The following C1orf21 variants were observed in gnomAD, a reference collection of about 807,000 sequenced individuals.
The protein encoded by C1orf21 is uncharacterized protein C1orf21.
In C1orf21, 3 loss-of-function variants were observed where a neutral mutation model predicts 18.7. That is an observed-to-expected ratio of 0.16 (90% CI 0.07 to 0.42). C1orf21 has a LOEUF of 0.42. Among genes scored for constraint, C1orf21 ranks in the 10% least tolerant of loss-of-function variants. C1orf21 has a pLI of 0.99. For synonymous variants in C1orf21, 41 were observed against 46.4 expected, an observed-to-expected ratio of 0.88 and a Z score of 0.47; for missense variants, 104 against 143.6, an observed-to-expected ratio of 0.72 and a Z score of 1.41.
chr1:184,428,244 C>T (rs1316946101), intron 1 of C1orf21, among the ~76,000 whole-genome samples: 2 of 152,210 alleles, frequency 1.3e-5, no homozygotes, highest in African/African-American at 4.8e-5. Flanking sequence ...ACACTGAATT[C>T]TTAAGCTGTC....
At chr1:184,504,804 TC>T (rs2101962557) in intron 2 of C1orf21, among the ~76,000 whole-genome samples, 1 of 152,288 alleles carries the variant, frequency 6.6e-6, no homozygotes, top group East Asian at 1.9e-4. Context: ...TGTTTTCTCT[TC>T]CTTTGTATCC....
chr1:184,569,409 A>ATAAG (rs1268289913), intron 3 of C1orf21, among the ~76,000 whole-genome samples: 3 of 152,224 alleles, frequency 2.0e-5, no homozygotes, highest in Non-Finnish European at 4.4e-5. Flanking sequence ...TTGTATACAG[A>ATAAG]TAAGCTAAAT....
intron 3 of C1orf21, among the ~76,000 whole-genome samples, chr1:184,535,949 T>C (rs921790785): frequency 4.6e-5 from 7 of 152,238 alleles, no homozygotes; most frequent in Admixed American, 1.3e-4. Context: ...AGGACATGTT[T>C]ATCATCCTAA....
intron 2 of C1orf21, among the ~76,000 whole-genome samples, chr1:184,490,959 G>C (rs1657807876): frequency 2.6e-5 from 4 of 151,914 alleles, no homozygotes; most frequent in Admixed American, 2.6e-4. Context: ...TAACTATGTA[G>C]GTGGTGACAT....
intron 1 of C1orf21, among the ~76,000 whole-genome samples, chr1:184,420,039 T>G (rs1421317785): frequency 6.6e-6 from 1 of 152,132 alleles, no homozygotes; most frequent in African/African-American, 2.4e-5. Context: ...AGGACACCAT[T>G]AATTCCTTCA....
intron 1 of C1orf21, among the ~76,000 whole-genome samples, chr1:184,392,819 C>CTTTTTTTT (rs397861528): frequency 5.2e-5 from 5 of 96,842 alleles, no homozygotes; most frequent in African/African-American, 1.2e-4. Flanking sequence ...GACATTCCTC[C>CTTTTTTTT]TTTTTTTTTT....
intron 2 of C1orf21, among the ~76,000 whole-genome samples, chr1:184,491,610 C>T (rs1657818243): frequency 6.6e-6 from 1 of 152,178 alleles, no homozygotes; most frequent in Non-Finnish European, 1.5e-5. Flanking sequence ...CCTTGGCCTC[C>T]CAAAGTGCTG....
intron 3 of C1orf21, among the ~76,000 whole-genome samples, chr1:184,524,792 G>T (rs1658354916): frequency 6.6e-6 from 1 of 152,080 alleles, no homozygotes; most frequent in Non-Finnish European, 1.5e-5. Flanking sequence ...CAATGATGTG[G>T]ACTAGGAACA....
In C1orf21 at chr1:184,577,947, G is replaced by GTTTTTTTTTTTTT. The variant is rs201196718; in HGVS notation, c.190-12787_190-12786insTTTTTTTTTTTTT. On this transcript the variant is annotated intron_variant, in intron 3 of 5. Transcript: ENST00000235307. ...TCTTTGTCCGTTTGTTTTTTGTTTT[G>GTTTTTTTTTTTTT]TTTTTGTTTTTTTTTTTTTTTTTTG... Among the ~76,000 whole-genome samples, 25 of 86,750 alleles carry GTTTTTTTTTTTTT rather than the reference G, an allele frequency of 2.9e-4. 2 individuals carry two copies. The highest frequency in any genetic ancestry group is 3.3e-4 in the Non-Finnish European group (15 of 45,026). The allele number at this position is 86,750 out of a possible 152,430, so 56.9% of individuals were successfully genotyped here.
rs905293545 is a variant in C1orf21 at position 184,567,608 on chromosome 1, G to A, written c.190-23131G>A. 7.7e-5 allele frequency: 34 copies of A among 444,132 alleles called. 1 individual carries two copies. The highest frequency in any genetic ancestry group is 6.4e-4 in the Admixed American group (26 of 40,706). The allele number at this position is 444,132 out of a possible 1,614,324, so 27.5% of individuals were successfully genotyped here. On this transcript the variant is annotated intron_variant, in intron 3 of 5. Coordinates refer to ENST00000235307, the MANE Select transcript of C1orf21 (RefSeq NM_030806.4). ...CAGGTCCTTGGGATTTCGTTGGTGG[G>A]GCAGGCAGTGGAGGATGCTAGGCAG... is the stretch of plus-strand genomic sequence containing the variant.
intron 5 of C1orf21, among the ~76,000 whole-genome samples, chr1:184,599,081 G>A (rs1659554084): frequency 6.6e-6 from 1 of 152,170 alleles, no homozygotes; most frequent in African/African-American, 2.4e-5. Context: ...TATACTGACA[G>A]TAAGATACAA....
At chr1:184,472,146 A>G (rs1233930552) in intron 1 of C1orf21, among the ~76,000 whole-genome samples, 1 of 151,998 alleles carries the variant, frequency 6.6e-6, no homozygotes, top group East Asian at 1.9e-4. Flanking sequence ...ATATATAGAT[A>G]TATATTTTTT....
At chr1:184,429,770 G>A (rs1019754582) in intron 1 of C1orf21, among the ~76,000 whole-genome samples, 2 of 152,010 alleles carry the variant, frequency 1.3e-5, no homozygotes, top group African/African-American at 2.4e-5. Flanking sequence ...TTTAGGATAA[G>A]TATATCCCAT....
chr1:184,442,941 T>C (rs1656970231), intron 1 of C1orf21, among the ~76,000 whole-genome samples: 2 of 151,768 alleles, frequency 1.3e-5, no homozygotes, highest in African/African-American at 4.8e-5. Flanking sequence ...TAAAATAATT[T>C]AACATTGTGT....
chr1:184,515,452 C>T (rs1161280370), intron 3 of C1orf21, among the ~76,000 whole-genome samples: 3 of 152,104 alleles, frequency 2.0e-5, no homozygotes, highest in Non-Finnish European at 4.4e-5. Flanking sequence ...ACTGTTAGAA[C>T]ACAGTTAGAA....
intron 1 of C1orf21, among the ~76,000 whole-genome samples, chr1:184,421,577 G>A (rs969171983): frequency 6.6e-6 from 1 of 152,122 alleles, no homozygotes; most frequent in Non-Finnish European, 1.5e-5. Flanking sequence ...TTCCACCTCA[G>A]CTTTACAGGA....
At position 184,432,078 on chromosome 1, in the gene C1orf21, T is replaced by C. The variant is rs1196525544; in HGVS notation, c.-125+44710T>C. ...GAACATTTTTACACTGTTGTGGGAG[T>C]GTACATTAGTTCAACTATTGTGGAA... On this transcript the variant is annotated intron_variant, in intron 1 of 5. Transcript: ENST00000235307. Among the ~76,000 whole-genome samples the C allele has an allele frequency of 3.9e-5, 6 of 152,120 alleles. No homozygotes were observed. The South Asian group carries it at 6.2e-4, about 16-fold the overall frequency.
At chr1:184,439,352 T>TA (rs1463806986) in intron 1 of C1orf21, among the ~76,000 whole-genome samples, 1 of 151,628 alleles carries the variant, frequency 6.6e-6, no homozygotes, top group East Asian at 1.9e-4. Flanking sequence ...ACAGGTTACT[T>TA]ACTCTCTTGA....
intron 3 of C1orf21, among the ~76,000 whole-genome samples, chr1:184,535,276 G>T (rs1202341016): frequency 1.3e-5 from 2 of 152,132 alleles, no homozygotes; most frequent in Non-Finnish European, 2.9e-5. Flanking sequence ...AAATGGCTTT[G>T]CATTCTGATG....
Sources: allele counts gnomAD v4.1 joint callset (sites outside exome capture counted in the v4.1 genomes callset), GRCh38; gene constraint gnomAD v4.1.1; transcripts MANE v1.5; gene names NCBI Gene and HGNC (gene_info 2026-07-23, HGNC 2026-07-21).